ZNF518A: variants seen among roughly 807,000 people sequenced by gnomAD.
ZNF518A encodes zinc finger protein 518A, also known as zinc finger protein 518.
A neutral mutation model predicts 102.7 loss-of-function variants in ZNF518A; 47 were observed. The observed-to-expected ratio is 0.46, with a 90% CI of 0.36 to 0.58. The LOEUF (loss-of-function observed/expected upper bound fraction) is 0.58, where lower values mean the gene tolerates loss of function less well. Among genes scored for constraint, ZNF518A ranks in the 20% least tolerant of loss-of-function variants. ZNF518A has a pLI of 0.00. For synonymous variants in ZNF518A, 652 were observed against 594.6 expected (o/e 1.10, Z -1.40); for missense variants, 1,793 against 1,699.8 (o/e 1.05, Z -0.96).
In ZNF518A at chr10:96,162,198, CAG is replaced by C. The variant is rs1554888460; in HGVS notation, c.*1426_*1427del. 2 of 166,818 alleles carry C rather than the reference CAG, an allele frequency of 1.2e-5. No individual in the cohort carries two copies. Among genetic ancestry groups the C allele is most frequent in the Non-Finnish European group, 2.9e-5 (2 of 68,022 alleles). 10.3% of individuals were successfully genotyped at this position (166,818 alleles called of 1,614,324 possible). ...TTGTACCTTTTATGTAAATTTTGCACAGAAATTTTTGGCATAAGTTTATTTTC... is the reference window on the plus strand; with the variant it reads ...TTGTACCTTTTATGTAAATTTTGCACAAATTTTTGGCATAAGTTTATTTTC... On this transcript the variant is annotated 3_prime_UTR_variant, in exon 6 of 6. Transcript: ENST00000316045.
chr10:96,178,247 G>A (rs1045751987), intron 1 of ZNF518A, among the ~76,000 whole-genome samples: 1 of 152,096 alleles, frequency 6.6e-6, no homozygotes, highest in Non-Finnish European at 1.5e-5. Flanking sequence ...TTGAATTCAT[G>A]CAGAGTATGT....
At position 96,158,426 on chromosome 10, in the gene ZNF518A, C is replaced by T; in HGVS notation, c.2104C>T (p.Leu702Phe). The change falls in exon 6 of 6, where the codon CTT becomes TTT. Residue 702 changes from leucine to phenylalanine, a missense_variant. By Grantham distance (22) the Leu-to-Phe change is conservative (BLOSUM62 0). Around this residue, in one of 3 missense-constraint regions of ZNF518A, gnomAD observed 1,741 missense variants for 1,622.6 expected, o/e 1.07. Transcript: ENST00000316045. ...KPDSLLASIS[L>F]LNDKDGTLKA... ...AGATAGCCTATTAGCATCTATTAGCCTTTTAAATGATAAAGATGGAACTTT... is the reference window on the plus strand; with the variant it reads ...AGATAGCCTATTAGCATCTATTAGCTTTTTAAATGATAAAGATGGAACTTT... 6.2e-7 allele frequency: 1 copy of T among 1,613,120 alleles called. No homozygotes were observed. The highest frequency in any genetic ancestry group is 8.5e-7 in the Non-Finnish European group (1 of 1,179,636).
chr10:96,199,254 G>A (rs2083561196), intron 1 of ZNF518A, among the ~76,000 whole-genome samples: 4 of 152,170 alleles, frequency 2.6e-5, no homozygotes. Flanking sequence ...GGGAGGAGAA[G>A]AGAGAAAGAA....
chr10:96,175,881 T>TCCCTCCCTTCCTTCCTCCCTC lies in ZNF518A; in HGVS notation n.35+19836_35+19837insCTCCCTTCCTTCCTCCCTCCC, dbSNP rs1554891401. ...TCCCTCCCTGCCTCCCTCCCTCCCT[T>TCCCTCCCTTCCTTCCTCCCTC]CCTTCCTTCCTTCCTTCCTTCCTTC... On this transcript the variant is annotated intron_variant and non_coding_transcript_variant, in intron 1 of 2. Coordinates refer to the ZNF518A transcript ENST00000442635. Among the ~76,000 whole-genome samples, 14 of 59,916 alleles carry TCCCTCCCTTCCTTCCTCCCTC rather than the reference T, an allele frequency of 2.3e-4. 1 individual carries two copies. The highest frequency in any genetic ancestry group is 3.9e-4 in the Admixed American group (2 of 5,136). 39.3% of individuals were successfully genotyped at this position (59,916 alleles called of 152,430 possible). A position where few individuals can be genotyped will look rare whatever the true frequency, so the allele number is the denominator to read the frequency against.
chr10:96,191,377 T>G (rs2083327264), intron 1 of ZNF518A, among the ~76,000 whole-genome samples: 1 of 152,018 alleles, frequency 6.6e-6, no homozygotes, highest in Non-Finnish European at 1.5e-5. Context: ...ATAATTATCT[T>G]TAGTAAGCAA....
chr10:96,188,376 A>G (rs2083285162), intron 1 of ZNF518A, among the ~76,000 whole-genome samples: 1 of 152,238 alleles, frequency 6.6e-6, no homozygotes, highest in Non-Finnish European at 1.5e-5. Context: ...ACCACGCAGT[A>G]CTGTATGTCA....
At chr10:96,171,306 A>G (rs142562638) in intron 1 of ZNF518A, among the ~76,000 whole-genome samples, 144 of 152,348 alleles carry the variant, frequency 9.5e-4, no homozygotes, top group Middle Eastern at 3.4e-3. Flanking sequence ...CAACTGATGA[A>G]TGCATAAATA....
chr10:96,159,879 A>G lies in ZNF518A; in HGVS notation c.3557A>G (p.Glu1186Gly), dbSNP rs782708035. The change falls in exon 6 of 6, where the codon GAG (glutamate) becomes GGG (glycine). Residue 1186 changes from glutamate to glycine, a missense_variant. By Grantham distance (98) the Glu-to-Gly change is moderately conservative. This residue lies in a region of ZNF518A where 1,741 missense variants were observed against 1,622.6 expected (regional missense o/e 1.07). Coordinates refer to ENST00000316045, the MANE Select transcript of ZNF518A (RefSeq NM_001330736.2). ...SNQIIGGEQK[E>G]PESRDALPFL... ...CAGATTATAGGAGGAGAGCAGAAAG[A>G]GCCAGAATCTAGAGATGCCTTACCC... 9.9e-6 allele frequency: 16 copies of G among 1,613,598 alleles called. No homozygotes were observed. The Admixed American group carries it at 2.5e-4, about 25-fold the overall frequency.
At chr10:96,191,966 T>TC (rs1450068789) in intron 1 of ZNF518A, 16 of 1,613,572 alleles carry the variant, frequency 9.9e-6, no homozygotes, top group African/African-American at 5.3e-5. Flanking sequence ...ATCTTTTTTT[T>TC]CCCCCTTTAT....
Position 96,160,439 on chromosome 10 carries a change from C to T in ZNF518A, c.4117C>T (p.His1373Tyr). ...GAAAACTATTGCTAAATTTAATGGA[C>T]ATGTACTTAAGGTTTCATTGTCAAA... is the stretch of plus-strand genomic sequence containing the variant. ...VMKTIAKFNG[H>Y]VLKVSLSKRT... Residue 1373 changes from histidine (H) to tyrosine (Y), a missense_variant, in exon 6 of 6, where the codon CAT becomes TAT. Transcript: ENST00000316045. 2.5e-6 allele frequency: 4 copies of T among 1,613,322 alleles called. No individual in the cohort carries two copies. The highest frequency in any genetic ancestry group is 3.4e-6 in the Non-Finnish European group (4 of 1,179,566).
intron 1 of ZNF518A, among the ~76,000 whole-genome samples, chr10:96,174,989 A>C (rs1463547604): frequency 6.6e-6 from 1 of 152,084 alleles, no homozygotes; most frequent in Non-Finnish European, 1.5e-5. Flanking sequence ...TGCCATGAGG[A>C]TACAACAGGA....
chr10:96,177,325 A>T (rs1462077482), intron 1 of ZNF518A, among the ~76,000 whole-genome samples: 1 of 152,220 alleles, frequency 6.6e-6, no homozygotes, highest in East Asian at 1.9e-4. Flanking sequence ...AAACAAATAC[A>T]GTTTAACATA....
rs148763774 is a variant in ZNF518A, at chr10:96,137,852, A to T, written c.-302+4204A>T. ...AGCCCTCTGTATTCTATATCCAGCCACACAGTCCACATTTCCTCTTGGATG... is the reference window on the plus strand; with the variant it reads ...AGCCCTCTGTATTCTATATCCAGCCTCACAGTCCACATTTCCTCTTGGATG... On this transcript the variant is annotated intron_variant, in intron 3 of 5. Transcript: ENST00000316045. Among the ~76,000 whole-genome samples, 373 of 152,310 alleles carry T rather than the reference A, an allele frequency of 2.4e-3. 1 individual carries two copies. The highest frequency in any genetic ancestry group is 8.5e-3 in the African/African-American group (355 of 41,558).
chr10:96,143,325 A>G (rs1451720080), intron 3 of ZNF518A, among the ~76,000 whole-genome samples: 3 of 152,008 alleles, frequency 2.0e-5, no homozygotes, highest in Non-Finnish European at 2.9e-5. Context: ...TTTCATTTCC[A>G]GTTCAGATCT....
intron 1 of ZNF518A, among the ~76,000 whole-genome samples, chr10:96,194,768 A>ATTTTTT (rs71034364): frequency 0.27 from 29,941 of 109,616 alleles, 5,093 homozygotes; most frequent in East Asian, 0.41. Context: ...AGAAATGCAA[A>ATTTTTT]TTTTTTTTTT....
At chr10:96,196,826 A>T in intron 1 of ZNF518A, 1 of 1,370,250 alleles carries the variant, frequency 7.3e-7, no homozygotes, top group South Asian at 1.2e-5. Flanking sequence ...CTTTCTCCTC[A>T]TCTCTAGCAT....
At position 96,162,825 on chromosome 10, in the gene ZNF518A, A is replaced by G. The variant is rs782385819; in HGVS notation, c.*2051A>G. 4 of 167,026 alleles carry G rather than the reference A, an allele frequency of 2.4e-5. No individual in the cohort carries two copies. Among genetic ancestry groups the G allele is most frequent in the African/African-American group, 4.8e-5 (2 of 41,576 alleles). The allele number at this position is 167,026 out of a possible 1,614,324, so 10.3% of individuals were successfully genotyped here. A position where few individuals can be genotyped will look rare whatever the true frequency, so the allele number is the denominator to read the frequency against. ...AAAGTGTATGTGTTTTTTCAATGCT[A>G]GTTAACTCTACAAGATAGATAAAAG... On this transcript the variant is annotated 3_prime_UTR_variant, in exon 6 of 6. Transcript: ENST00000316045.
downstream of ZNF518A, among the ~76,000 whole-genome samples, chr10:96,164,823 A>G (rs1306428538): frequency 2.0e-5 from 3 of 152,202 alleles, no homozygotes; most frequent in Non-Finnish European, 4.4e-5. Flanking sequence ...TTAAAATAAG[A>G]ATTTTTCCAT....
rs757905723 is a variant in ZNF518A at position 96,189,974 on chromosome 10, A to G, written n.36-13600A>G. 726 of 864,208 alleles carry G rather than the reference A, an allele frequency of 8.4e-4. 1 individual carries two copies. Among genetic ancestry groups the G allele is most frequent in the Non-Finnish European group, 1.3e-3 (653 of 510,716 alleles). 53.5% of individuals were successfully genotyped at this position (864,208 alleles called of 1,614,324 possible). A position where few individuals can be genotyped will look rare whatever the true frequency, so the allele number is the denominator to read the frequency against. On this transcript the variant is annotated intron_variant and non_coding_transcript_variant, in intron 1 of 2. Transcript: ENST00000442635. ...GACCCCAAGGGAAACTGTTGGCTGT[A>G]CAGACATTTTCAAAGGTGCCAGTGT...
Sources: allele counts gnomAD v4.1 joint callset (sites outside exome capture counted in the v4.1 genomes callset), GRCh38; gene constraint gnomAD v4.1.1; regional missense constraint gnomAD v4.1.1; transcripts MANE v1.5; gene names NCBI Gene and HGNC (gene_info 2026-07-23, HGNC 2026-07-21).